SYCP1: variants seen among roughly 807,000 people sequenced by gnomAD.
SYCP1 encodes the protein cancer/testis antigen 8.
In SYCP1, 64 loss-of-function variants were observed where a neutral mutation model predicts 153.1. That is an observed-to-expected ratio of 0.42 (90% CI 0.34 to 0.51). SYCP1 has a LOEUF of 0.51. SYCP1 is among the 20% of genes least tolerant of loss of function. The pLI, the probability that SYCP1 is intolerant of heterozygous loss-of-function variation, is 0.06. For synonymous variants in SYCP1, 384 were observed against 341.8 expected (o/e 1.12, Z -1.36); for missense variants, 997 against 1,049.0 (o/e 0.95, Z 0.68).
chr1:114,968,921 C>A (rs528976905), intron 27 of SYCP1, among the ~76,000 whole-genome samples: 15 of 152,322 alleles, frequency 9.8e-5, no homozygotes, highest in African/African-American at 3.4e-4. Flanking sequence ...AGTTTTACTT[C>A]TAATAGTCAG....
chr1:114,953,470 C>T (rs1047431326), intron 27 of SYCP1, among the ~76,000 whole-genome samples: 1 of 152,170 alleles, frequency 6.6e-6, no homozygotes, highest in African/African-American at 2.4e-5. Context: ...CATCTGTGAT[C>T]CATTTTGAGT....
chr1:114,863,958 A>T (rs1484585370), intron 8 of SYCP1, among the ~76,000 whole-genome samples: 1 of 78,090 alleles, frequency 1.3e-5, no homozygotes, highest in Non-Finnish European at 2.4e-5. Context: ...AACATCACAC[A>T]CCCGGGCCTG....
intron 12 of SYCP1, among the ~76,000 whole-genome samples, chr1:114,883,691 G>A (rs1409956120): frequency 6.6e-6 from 1 of 152,178 alleles, no homozygotes; most frequent in Non-Finnish European, 1.5e-5. Context: ...ATAAGAAATA[G>A]TATCATAATG....
chr1:114,991,866 C>G (rs1003568127), intron 30 of SYCP1, among the ~76,000 whole-genome samples: 5 of 151,804 alleles, frequency 3.3e-5, no homozygotes, highest in Admixed American at 6.6e-5. Context: ...AAAACTGCCT[C>G]TCTTCACAGA....
At chr1:114,987,810 G>T (rs978817252) in intron 30 of SYCP1, among the ~76,000 whole-genome samples, 1 of 151,786 alleles carries the variant, frequency 6.6e-6, no homozygotes, top group African/African-American at 2.4e-5. Flanking sequence ...ACTAGACAAA[G>T]ACTTCAAAAC....
rs1261032615 is a variant in SYCP1 at position 114,886,256 on chromosome 1, A to C, written c.1137A>C (p.Glu379Asp). Residue 379 changes from glutamate to aspartate, a missense_variant, in exon 14 of 32, where the codon GAA (glutamate) becomes GAC (aspartate). Coordinates refer to ENST00000369522, the MANE Select transcript of SYCP1 (RefSeq NM_003176.4). ...ARAAHSFVVT[E>D]FETTVCSLEE... ...CTGCTCATTCGTTTGTGGTTACTGAATTTGAAACTACTGTCTGCAGCTTGG... is the reference window on the plus strand; with the variant it reads ...CTGCTCATTCGTTTGTGGTTACTGACTTTGAAACTACTGTCTGCAGCTTGG... 2 of 1,607,098 alleles carry C rather than the reference A, an allele frequency of 1.2e-6. No individual in the cohort carries two copies. Among genetic ancestry groups the C allele is most frequent in the Non-Finnish European group, 1.7e-6 (2 of 1,177,094 alleles).
intron 27 of SYCP1, among the ~76,000 whole-genome samples, chr1:114,974,163 C>T (rs976276382): frequency 6.6e-6 from 1 of 151,426 alleles, no homozygotes; most frequent in Non-Finnish European, 1.5e-5. Context: ...GCTAGTTTTC[C>T]TGATTGTATT....
intron 27 of SYCP1, among the ~76,000 whole-genome samples, chr1:114,965,986 G>A (rs1203202261): frequency 6.6e-6 from 1 of 152,030 alleles, no homozygotes; most frequent in African/African-American, 2.4e-5. Context: ...GCTTTTTTTG[G>A]TTGGTAGGCT....
intron 23 of SYCP1, among the ~76,000 whole-genome samples, chr1:114,944,120 A>G (rs974119993): frequency 2.0e-5 from 3 of 151,858 alleles, no homozygotes; most frequent in Non-Finnish European, 4.4e-5. Context: ...TGTTTATTTT[A>G]TATTACTTGT....
At chr1:114,972,632 T>A (rs1194347100) in intron 27 of SYCP1, among the ~76,000 whole-genome samples, 1 of 152,188 alleles carries the variant, frequency 6.6e-6, no homozygotes, top group Non-Finnish European at 1.5e-5. Flanking sequence ...AATTTTTTGA[T>A]TGCCATTTTA....
At chr1:114,953,611 A>G (rs1671247061) in intron 27 of SYCP1, among the ~76,000 whole-genome samples, 1 of 152,166 alleles carries the variant, frequency 6.6e-6, no homozygotes, top group African/African-American at 2.4e-5. Flanking sequence ...CTAGTTAGGC[A>G]TGTTCTTATG....
At chr1:114,955,129 A>T (rs1671355140) in intron 27 of SYCP1, among the ~76,000 whole-genome samples, 1 of 152,200 alleles carries the variant, frequency 6.6e-6, no homozygotes, top group Non-Finnish European at 1.5e-5. Context: ...ACTGGATTTT[A>T]TCAGATGCTT....
intron 27 of SYCP1, among the ~76,000 whole-genome samples, chr1:114,951,607 G>A (rs912070021): frequency 2.6e-5 from 4 of 152,110 alleles, no homozygotes; most frequent in South Asian, 2.1e-4. Context: ...TGAGATAATT[G>A]TAGATTCACA....
chr1:114,876,366 TA>T (rs1161580335), intron 10 of SYCP1, among the ~76,000 whole-genome samples: 9 of 151,850 alleles, frequency 5.9e-5, no homozygotes, highest in African/African-American at 1.9e-4. Context: ...AAACTAATTT[TA>T]TTTTTTTTTT....
At chr1:114,977,525 T>C (rs892848208) in intron 27 of SYCP1, 32 bp from the exon 28 acceptor site, 4 of 1,255,452 alleles carry the variant, frequency 3.2e-6, no homozygotes, top group African/African-American at 3.1e-5. Flanking sequence ...GTGATGTTTA[T>C]GTTACTTGTA....
intron 8 of SYCP1, among the ~76,000 whole-genome samples, chr1:114,866,612 T>A (rs1344788612): frequency 3.3e-5 from 5 of 152,122 alleles, no homozygotes; most frequent in African/African-American, 1.2e-4. Flanking sequence ...TAGAAAACAG[T>A]CCTTTATCAG....
chr1:114,870,974 T>G (rs1038825698), intron 8 of SYCP1, among the ~76,000 whole-genome samples: 2 of 152,204 alleles, frequency 1.3e-5, no homozygotes, highest in South Asian at 4.1e-4. Context: ...TTTGTGGTTT[T>G]AATTGAGCAT....
rs571968364 is a variant in SYCP1, at chr1:114,965,126, T to C, written c.2323-12431T>C. On this transcript the variant is annotated intron_variant, in intron 27 of 31. Transcript: ENST00000369522. ...AGGTATTTTATTCTCTTTGTAGCAA[T>C]TGTGAATGGGAGTTCACTCATGATT... Among the ~76,000 whole-genome samples the C allele has an allele frequency of 1.9e-4, 29 of 152,350 alleles. No individual in the cohort carries two copies. The East Asian group carries it at 5.4e-3, about 28-fold the overall frequency.
At chr1:114,888,058 T>C (rs537488866) in intron 15 of SYCP1, among the ~76,000 whole-genome samples, 1 of 152,102 alleles carries the variant, frequency 6.6e-6, no homozygotes, top group Non-Finnish European at 1.5e-5. Context: ...GAAATTTCAT[T>C]GCTTTGTCAT....
Sources: gnomAD v4.1 joint callset for allele counts (sites outside exome capture counted in the v4.1 genomes callset) on GRCh38, gnomAD v4.1.1 for gene constraint, MANE v1.5 for transcripts, NCBI Gene and HGNC (gene_info 2026-07-23, HGNC 2026-07-21) for gene names.